The following TUSC3 variants were observed in gnomAD, a reference collection of about 807,000 sequenced individuals.
TUSC3 encodes the protein dolichyl-diphosphooligosaccharide--protein glycosyltransferase subunit TUSC3.
TUSC3 carries 45 observed loss-of-function variants against 44.8 expected under a neutral mutation model. That is an observed-to-expected ratio of 1.00 (90% confidence interval 0.79 to 1.29). The LOEUF (loss-of-function observed/expected upper bound fraction) is 1.29, where lower values mean the gene tolerates loss of function less well. Ranked by LOEUF, TUSC3 falls within the 50% of genes most tolerant of loss-of-function variation. The pLI is 0.00. For synonymous variants in TUSC3, 212 were observed against 152.9 expected (o/e 1.39, Z -2.85); for missense variants, 519 against 437.9 (o/e 1.19, Z -1.65).
Position 15,712,633 on chromosome 8 carries a change from A to G in TUSC3, c.799-18033A>G, listed in dbSNP as rs544981980. Among the ~76,000 whole-genome samples, 16 of 152,144 alleles carry G rather than the reference A, an allele frequency of 1.1e-4. No individual in the cohort carries two copies. In the Middle Eastern group the frequency reaches 0.01, roughly 97 times the overall value. On this transcript the variant is annotated intron_variant, in intron 6 of 10. Transcript: ENST00000503731. The stretch of plus-strand genomic sequence containing the variant: ...CAGTCCTCTTTCTTTTCAACCGTCT[A>G]TCTTCTTGCCAATCCCCAATCCTTT...
At chr8:15,787,641 A>T in the TUSC3 span, among the ~76,000 whole-genome samples, 1 of 152,218 alleles carries the variant, frequency 6.6e-6, no homozygotes, top group Non-Finnish European at 1.5e-5. Flanking sequence ...TGAGAATTTG[A>T]TGCTTTCACC....
the TUSC3 span, among the ~76,000 whole-genome samples, chr8:15,851,270 T>C: frequency 6.6e-6 from 1 of 152,226 alleles, no homozygotes; most frequent in Non-Finnish European, 1.5e-5. Context: ...GAGCATCTTT[T>C]ATAGGTGCCA....
chr8:15,681,376 C>A (rs1808424606), intron 6 of TUSC3, among the ~76,000 whole-genome samples: 1 of 151,824 alleles, frequency 6.6e-6, no homozygotes, highest in South Asian at 2.1e-4. Flanking sequence ...TTCAGGGTTT[C>A]AGTTTCTTCC....
At chr8:15,550,487 G>A (rs985300064) in intron 1 of TUSC3, among the ~76,000 whole-genome samples, 2 of 151,558 alleles carry the variant, frequency 1.3e-5, no homozygotes, top group East Asian at 3.9e-4. Flanking sequence ...CTAAAAACAA[G>A]GTTTCCTCAT....
chr8:15,810,648 A>AG, the TUSC3 span, among the ~76,000 whole-genome samples: 14 of 151,772 alleles, frequency 9.2e-5, no homozygotes, highest in South Asian at 4.2e-4. Flanking sequence ...GTGGCCAAGG[A>AG]GGGGGGGCGG....
chr8:15,750,301 T>G (rs1811639448), intron 9 of TUSC3, among the ~76,000 whole-genome samples: 1 of 152,042 alleles, frequency 6.6e-6, no homozygotes, highest in Non-Finnish European at 1.5e-5. Flanking sequence ...CCCTATTTAG[T>G]TGACAGGAAG....
intron 2 of TUSC3, among the ~76,000 whole-genome samples, chr8:15,527,568 C>A (rs868066029): frequency 1.3e-5 from 2 of 152,030 alleles, no homozygotes; most frequent in African/African-American, 4.8e-5. Flanking sequence ...TTAATTTGAA[C>A]TTTGATTTTT....
In TUSC3 at chr8:15,682,148, T is replaced by A. The variant is rs186616177; in HGVS notation, c.798+8312T>A. 4.6e-5 allele frequency among the ~76,000 whole-genome samples: 7 copies of A among 152,288 alleles called. No individual in the cohort carries two copies. In the East Asian group the frequency reaches 1.4e-3, roughly 29 times the overall value. On this transcript the variant is annotated intron_variant, in intron 6 of 10. Transcript: ENST00000503731. ...AAGAATGTTTATTCTGCAGTTGTTG[T>A]GTGGAGTATTCTGTAGATGTCAGTT...
the TUSC3 span, among the ~76,000 whole-genome samples, chr8:15,787,685 A>G: frequency 6.6e-6 from 1 of 152,210 alleles, no homozygotes; most frequent in Non-Finnish European, 1.5e-5. Context: ...AAATCTTAAT[A>G]TGCAACAAAA....
chr8:15,532,058 C>G (rs1322238009), intron 2 of TUSC3, among the ~76,000 whole-genome samples: 1 of 152,130 alleles, frequency 6.6e-6, no homozygotes, highest in African/African-American at 2.4e-5. Flanking sequence ...GTGACTTACT[C>G]TTTTTTGTGT....
At chr8:15,540,130 C>G (rs1007384309), upstream of TUSC3, 5 of 372,482 alleles carry the variant, frequency 1.3e-5, no homozygotes, top group Non-Finnish European at 2.4e-5. Flanking sequence ...CTCCTCAGCG[C>G]TGGTCCGGGA....
At chr8:15,590,718 C>G (rs1243438147) in intron 1 of TUSC3, among the ~76,000 whole-genome samples, 1 of 151,970 alleles carries the variant, frequency 6.6e-6, no homozygotes, top group Non-Finnish European at 1.5e-5. Flanking sequence ...GTTGCCCAGG[C>G]TGGAGTGCTG....
At chr8:15,807,915 A>C in the TUSC3 span, among the ~76,000 whole-genome samples, 2 of 152,196 alleles carry the variant, frequency 1.3e-5, no homozygotes, top group Admixed American at 6.5e-5. Flanking sequence ...TTTGGGTACT[A>C]CATTCTATAT....
chr8:15,814,022 T>C, the TUSC3 span, among the ~76,000 whole-genome samples: 2 of 152,214 alleles, frequency 1.3e-5, no homozygotes, highest in Non-Finnish European at 2.9e-5. Context: ...AACAAGCTAA[T>C]AGCCATTAAA....
the TUSC3 span, among the ~76,000 whole-genome samples, chr8:15,780,206 G>A: frequency 6.6e-6 from 1 of 152,098 alleles, no homozygotes; most frequent in Admixed American, 6.6e-5. Flanking sequence ...CTGATGAACT[G>A]GGCAACTAAG....
At chr8:15,448,387 G>T (rs1295326131) in intron 1 of TUSC3, among the ~76,000 whole-genome samples, 2 of 151,978 alleles carry the variant, frequency 1.3e-5, no homozygotes, top group African/African-American at 4.8e-5. Context: ...CCAAAGTGCT[G>T]GGATTACAGA....
chr8:15,767,524 G>T (rs1812365015), downstream of TUSC3, among the ~76,000 whole-genome samples: 1 of 151,014 alleles, frequency 6.6e-6, no homozygotes, highest in Non-Finnish European at 1.5e-5. Flanking sequence ...ACAAGAAAAT[G>T]CTTAAATTAA....
chr8:15,533,702 G>A (rs995768988), intron 2 of TUSC3, among the ~76,000 whole-genome samples: 3 of 152,224 alleles, frequency 2.0e-5, no homozygotes, highest in African/African-American at 4.8e-5. Flanking sequence ...GCCAGCTTCA[G>A]TCAGGAGCAC....
In TUSC3 at chr8:15,703,290, G is replaced by A. The variant is rs185677714; in HGVS notation, c.799-27376G>A. Reference sequence around the variant, plus strand: ...TATAGATTATAATATTATGGAAATAGAGGTAAAACAAATAACATATTCCAG... The same window carrying A: ...TATAGATTATAATATTATGGAAATAAAGGTAAAACAAATAACATATTCCAG... On this transcript the variant is annotated intron_variant, in intron 6 of 10. Transcript: ENST00000503731. Among the ~76,000 whole-genome samples the A allele has an allele frequency of 2.3e-3, 347 of 152,180 alleles. 2 individuals are homozygous for A. Among genetic ancestry groups the A allele is most frequent in the Non-Finnish European group, 2.0e-3 (138 of 67,986 alleles).
Sources: gnomAD v4.1 joint callset for allele counts (sites outside exome capture counted in the v4.1 genomes callset) on GRCh38, gnomAD v4.1.1 for gene constraint, MANE v1.5 for transcripts, NCBI Gene and HGNC (gene_info 2026-07-23, HGNC 2026-07-21) for gene names.